The following MED8 variants were observed in gnomAD, a reference collection of about 807,000 sequenced individuals.
The protein encoded by MED8 is mediator of RNA polymerase II transcription subunit 8.
A neutral mutation model predicts 34.8 loss-of-function variants in MED8; 22 were observed. The ratio of observed to expected loss-of-function variants is 0.63; its 90% CI spans 0.45 to 0.90. MED8 has a LOEUF of 0.90. Among genes scored for constraint, MED8 ranks in the 40% least tolerant of loss-of-function variants. The probability of loss-of-function intolerance (pLI) is 0.00; values close to 1 mark genes in which losing one functional copy is unlikely to be tolerated. For missense variants in MED8, 260 were observed against 326.3 expected, an observed-to-expected ratio of 0.80 and a Z score of 1.57; for synonymous variants, 105 against 120.2, an observed-to-expected ratio of 0.87 and a Z score of 0.83.
Position 43,387,640 on chromosome 1 carries a change from C to T in MED8, c.133G>A (p.Val45Ile). The T allele has an allele frequency of 6.2e-7, 1 of 1,613,950 alleles. No individual in the cohort carries two copies. The highest frequency in any genetic ancestry group is 8.5e-7 in the Non-Finnish European group (1 of 1,179,866). Residue 45 changes from valine to isoleucine, a missense_variant, in exon 3 of 7, where the codon GTC becomes ATC. By Grantham distance (29) the Val-to-Ile change is conservative. Transcript: ENST00000372457. Reference sequence around the variant, plus strand: ...GAAAGCAAGGCAAAGCTGTCCAGGACAGATGGCCTGGTGGTGGTAACAAGG... The same window carrying T: ...GAAAGCAAGGCAAAGCTGTCCAGGATAGATGGCCTGGTGGTGGTAACAAGG... ...NEYGRLTWPS[V>I]LDSFALLSGQ...
chr1:43,385,628 ACC>A, intron 6 of MED8: 1 of 308,820 alleles, frequency 3.2e-6, no homozygotes. Flanking sequence ...TGATGCACCT[ACC>A]AAATGGTCTT....
intron 1 of MED8, chr1:43,388,811 C>T (rs1400578346): frequency 6.0e-6 from 1 of 166,036 alleles, no homozygotes; most frequent in East Asian, 1.6e-4. Flanking sequence ...TTCCTCCATC[C>T]TAGCATCTGT....
At position 43,386,145 on chromosome 1, in the gene MED8, G is replaced by C. The variant is rs753451301; in HGVS notation, c.575C>G (p.Ser192Cys). 1 of 1,614,042 alleles carries C rather than the reference G, an allele frequency of 6.2e-7. No homozygotes were observed. Among genetic ancestry groups the C allele is most frequent in the Middle Eastern group, 1.6e-4 (1 of 6,062 alleles). ...VAAVAFGKGLSNWRPSGSSGP... is the reference protein window; with the variant it reads ...VAAVAFGKGLCNWRPSGSSGP... ...ACTGCTGCCTGAAGGTCTCCAATTA[G>C]ATAGTCCTTTCCCAAAGGCAACAGC... The change falls in exon 6 of 7, where the codon TCT becomes TGT. Residue 192 changes from serine to cysteine, a missense_variant. By Grantham distance (112) the Ser-to-Cys change is moderately radical (BLOSUM62 -1). Transcript: ENST00000372457. This position sits in a 1 kb window ranked among gnomAD's most constrained non-coding sequence, Gnocchi z 4.9.
chr1:43,385,231 C>A, intron 6 of MED8, 125 bp from the exon 7 acceptor site: 1 of 1,277,186 alleles, frequency 7.8e-7, no homozygotes, highest in Non-Finnish European at 1.1e-6. Flanking sequence ...GGCATCTGAC[C>A]CTGTTTGACA....
Position 43,386,218 on chromosome 1 carries a change from G to T in MED8, c.502C>A (p.Pro168Thr), listed in dbSNP as rs775469220. The T allele has an allele frequency of 1.2e-6, 2 of 1,612,598 alleles. No individual in the cohort carries two copies. The highest frequency in any genetic ancestry group is 2.2e-5 in the South Asian group (2 of 91,054). The change falls in exon 6 of 7, where the codon CCG (proline) becomes ACG (threonine). Residue 168 changes from proline to threonine, a missense_variant. Transcript: ENST00000372457. This position sits in a 1 kb window ranked among gnomAD's most constrained non-coding sequence, Gnocchi z 4.9. ...ERESESGGLR[P>T]NKQTFNPTDT... Reference sequence around the variant, plus strand: ...GTAGGGTTAAAGGTCTGCTTGTTCGGCCGGAGACCTGAAGAAAAAGTAATG... The same window carrying T: ...GTAGGGTTAAAGGTCTGCTTGTTCGTCCGGAGACCTGAAGAAAAAGTAATG...
At position 43,384,518 on chromosome 1, in the gene MED8, G is replaced by C. The variant is rs145409270; in HGVS notation, c.*524C>G. On this transcript the variant is annotated 3_prime_UTR_variant, in exon 7 of 7. Coordinates refer to ENST00000372457, the MANE Select transcript of MED8 (RefSeq NM_201542.5). ...AGAAGCTTCTTCACCTTGCGCCTTA[G>C]AGGGATAGCCAGAATGAAACCCAGG... 1.2e-6 allele frequency: 2 copies of C among 1,611,948 alleles called. No individual in the cohort carries two copies. The highest frequency in any genetic ancestry group is 1.7e-6 in the Non-Finnish European group (2 of 1,179,012).
chr1:43,385,751 G>A (rs1220842553), intron 6 of MED8: 5 of 596,734 alleles, frequency 8.4e-6, no homozygotes, highest in Non-Finnish European at 1.2e-5. Flanking sequence ...ATGCGGATGA[G>A]AAATTGGAGC....
At chr1:43,385,957 T>C (rs1428213176) in intron 6 of MED8, 21 bp downstream of exon 6, 1 of 1,613,840 alleles carries the variant, frequency 6.2e-7, no homozygotes, top group South Asian at 1.1e-5. Context: ...GTCAGCTTCA[T>C]TTCAACCCCT....
Position 43,388,351 on chromosome 1 carries a change from A to T in MED8, c.84T>A (p.Ser28Arg), listed in dbSNP as rs764364049. ...ACTCGTTCTCCAACTTGCAAATGAA[A>T]CTCCCCAGAGAGTTCTTCAGATCAG... is the stretch of plus-strand genomic sequence containing the variant. ...QVADLKNSLG[S>R]FICKLENEYG... Residue 28 changes from serine (S) to arginine (R), a missense_variant, in exon 2 of 7, where the codon AGT becomes AGA. Transcript: ENST00000372457. 6.2e-7 allele frequency: 1 copy of T among 1,613,350 alleles called. No individual in the cohort carries two copies. The highest frequency in any genetic ancestry group is 1.7e-5 in the Admixed American group (1 of 59,998).
Sources: allele counts gnomAD v4.1 joint callset, GRCh38; gene constraint gnomAD v4.1.1; non-coding constraint Gnocchi (gnomAD v3.1); transcripts MANE v1.5; gene names NCBI Gene and HGNC (gene_info 2026-07-23, HGNC 2026-07-21).